IDO2: variants seen among roughly 807,000 people sequenced by gnomAD.
IDO2 encodes indoleamine 2,3-dioxygenase-like 1 protein.
A neutral mutation model predicts 45.1 loss-of-function variants in IDO2; 46 were observed. That is an observed-to-expected ratio of 1.02 (90% confidence interval 0.80 to 1.30). The LOEUF is 1.30. Ranked by LOEUF, IDO2 falls within the 50% of genes most tolerant of loss-of-function variation. IDO2 has a pLI of 0.00. For missense variants in IDO2, 544 were observed against 491.8 expected, an observed-to-expected ratio of 1.11 and a Z score of -1.00; for synonymous variants, 218 against 184.9, an observed-to-expected ratio of 1.18 and a Z score of -1.45.
At chr8:39,984,916 T>C (rs950264358) in intron 5 of IDO2, 4 of 421,306 alleles carry the variant, frequency 9.5e-6, no homozygotes, top group East Asian at 7.6e-5. Flanking sequence ...GTAAGATGAG[T>C]GAAATAACTT....
intron 4 of IDO2, among the ~76,000 whole-genome samples, chr8:39,980,742 C>CTTTTCT (rs923104617): frequency 3.9e-5 from 6 of 152,028 alleles, no homozygotes; most frequent in Non-Finnish European, 7.4e-5. Context: ...CAATGCATCT[C>CTTTTCT]TTTTCTTTTT....
chr8:39,951,828 T>A (rs1362305215), intron 2 of IDO2, among the ~76,000 whole-genome samples: 2 of 152,202 alleles, frequency 1.3e-5, no homozygotes, highest in Non-Finnish European at 2.9e-5. Context: ...GAGCTAAACA[T>A]GACGTAGATC....
intron 2 of IDO2, among the ~76,000 whole-genome samples, chr8:39,954,639 GTC>G (rs1263437227): frequency 5.0e-5 from 7 of 140,104 alleles, no homozygotes; most frequent in South Asian, 2.3e-4. Flanking sequence ...AATTCCCTAT[GTC>G]TCTCTCTCTT....
At chr8:39,942,495 C>T (rs965252203) in intron 1 of IDO2, among the ~76,000 whole-genome samples, 2 of 152,120 alleles carry the variant, frequency 1.3e-5, no homozygotes, top group African/African-American at 4.8e-5. Flanking sequence ...ACCACAATTA[C>T]CCAGCGTGGT....
chr8:40,009,816 A>C (rs144741272), intron 9 of IDO2, among the ~76,000 whole-genome samples: 341 of 152,316 alleles, frequency 2.2e-3, no homozygotes, highest in African/African-American at 7.9e-3. Flanking sequence ...TGGCCATTTG[A>C]GACATTGGAT....
chr8:39,989,910 G>T, intron 8 of IDO2, 72 bp downstream of exon 8: 11 of 953,538 alleles, frequency 1.2e-5, no homozygotes, highest in Non-Finnish European at 1.7e-5. Flanking sequence ...GAGGGCCTGG[G>T]GACCAGGCAT....
At position 39,987,865 on chromosome 8, in the gene IDO2, C is replaced by T. The variant is rs957063716; in HGVS notation, c.450-6C>T. On this transcript the variant is annotated splice_region_variant and splice_polypyrimidine_tract_variant and intron_variant, in intron 6 of 10. Transcript: ENST00000502986. ...CCTCTAATCATGTGCTCCTCTCCTT[C>T]CCAAGGAACCTGGAGACCATCATCT... 6.3e-7 allele frequency: 1 copy of T among 1,581,906 alleles called. No homozygotes were observed. The highest frequency in any genetic ancestry group is 8.7e-7 in the Non-Finnish European group (1 of 1,155,242).
exon 5 of IDO2, chr8:39,982,737 T>C: frequency 6.2e-7 from 1 of 1,608,052 alleles, no homozygotes; most frequent in Non-Finnish European, 8.5e-7. Context: ...TCAGACTTGG[T>C]GCTGACGAAC....
At chr8:40,015,703 C>T in exon 11 of IDO2, 1 of 817,590 alleles carries the variant, frequency 1.2e-6, no homozygotes. Context: ...GGAAGGATCT[C>T]AGCCCTATTC....
chr8:39,989,347 A>G (rs1255168050), intron 7 of IDO2, among the ~76,000 whole-genome samples: 1 of 152,160 alleles, frequency 6.6e-6, no homozygotes, highest in Non-Finnish European at 1.5e-5. Context: ...ACAGATTTCA[A>G]CACAGATTTA....
intron 3 of IDO2, among the ~76,000 whole-genome samples, chr8:39,966,383 G>T (rs2129593932): frequency 6.6e-6 from 1 of 152,224 alleles, no homozygotes; most frequent in East Asian, 1.9e-4. Context: ...CCAGTTTTTA[G>T]ACTTTACCAC....
intron 2 of IDO2, 50 bp downstream of exon 2, chr8:39,949,314 GT>G (rs1448709115): frequency 7.1e-7 from 1 of 1,412,564 alleles, no homozygotes; most frequent in East Asian, 2.5e-5. Flanking sequence ...TTCTTGAGAT[GT>G]TGGTTGGTTT....
rs74765091 is a variant in IDO2, at chr8:40,002,303, C to T, written c.668-3024C>T. Among the ~76,000 whole-genome samples, 3,859 of 152,166 alleles carry T rather than the reference C, an allele frequency of 0.025. 280 individuals carry two copies. In the East Asian group the frequency reaches 0.29, roughly 11 times the overall value. ...AAAATGAATGGGTGTGTTTTCTAGG[C>T]TCTCTGTTCTGTTTCATTATCTGTC... On this transcript the variant is annotated intron_variant, in intron 8 of 10. Transcript: ENST00000502986.
At chr8:40,005,175 A>G (rs1008575643) in intron 8 of IDO2, among the ~76,000 whole-genome samples, 152 bp from the exon 9 acceptor site, 1 of 152,202 alleles carries the variant, frequency 6.6e-6, no homozygotes. Flanking sequence ...TGCAGAAGAG[A>G]ACATTCTATC....
chr8:39,999,050 A>G (rs1231046023), intron 8 of IDO2, among the ~76,000 whole-genome samples: 1 of 152,086 alleles, frequency 6.6e-6, no homozygotes, highest in Non-Finnish European at 1.5e-5. Flanking sequence ...TCTCCCCTCT[A>G]AAAGTTGCTT....
intron 2 of IDO2, among the ~76,000 whole-genome samples, chr8:39,958,015 C>G (rs914634484): frequency 1.3e-5 from 2 of 151,468 alleles, no homozygotes; most frequent in African/African-American, 4.9e-5. Flanking sequence ...ACGCCATTCT[C>G]CCGCCTCAGC....
At chr8:39,985,774 T>G (rs189653784) in intron 6 of IDO2, 1 of 429,652 alleles carries the variant, frequency 2.3e-6, no homozygotes, top group Admixed American at 4.2e-5. Context: ...ATAAAACAAG[T>G]AATGTGCAAT....
intron 8 of IDO2, among the ~76,000 whole-genome samples, chr8:40,004,571 T>TGAC (rs1802190462): frequency 7.5e-6 from 1 of 133,344 alleles, no homozygotes; most frequent in African/African-American, 2.8e-5. Flanking sequence ...AGATAGACGA[T>TGAC]AGATAGATAG....
chr8:39,951,876 T>A (rs541725876), intron 2 of IDO2, among the ~76,000 whole-genome samples: 1 of 152,214 alleles, frequency 6.6e-6, no homozygotes, highest in African/African-American at 2.4e-5. Context: ...CTTTCCTCTT[T>A]CATAACTACG....
Sources: gnomAD v4.1 joint callset for allele counts (sites outside exome capture counted in the v4.1 genomes callset) on GRCh38, gnomAD v4.1.1 for gene constraint, MANE v1.5 for transcripts, NCBI Gene and HGNC (gene_info 2026-07-23, HGNC 2026-07-21) for gene names.